Variants in WASF3 observed in about 807,000 individuals in gnomAD.
WASF3 encodes actin-binding protein WASF3.
A neutral mutation model predicts 46.6 loss-of-function variants in WASF3; 11 were observed. That is an observed-to-expected ratio of 0.24 (90% confidence interval 0.15 to 0.39). The LOEUF is 0.39. WASF3 is among the 10% of genes least tolerant of loss of function. WASF3 has a pLI of 1.00. For missense variants in WASF3, 576 were observed against 669.8 expected (o/e 0.86, Z 1.55); for synonymous variants, 242 against 259.7 (o/e 0.93, Z 0.65).
At chr13:26,664,293 C>G (rs1882710747) in intron 3 of WASF3, among the ~76,000 whole-genome samples, 1 of 152,242 alleles carries the variant, frequency 6.6e-6, no homozygotes, top group Non-Finnish European at 1.5e-5. Flanking sequence ...GCCTTGCACA[C>G]TCAGAGTAGG....
chr13:26,642,202 A>G, intron 2 of WASF3, 59 bp from the exon 3 acceptor site: 1 of 1,454,326 alleles, frequency 6.9e-7, no homozygotes, highest in South Asian at 1.6e-5. Context: ...GGGAATTAAA[A>G]TTCCAGATTT....
At chr13:26,684,024 T>G (rs1249711439) in intron 9 of WASF3, among the ~76,000 whole-genome samples, 1 of 152,238 alleles carries the variant, frequency 6.6e-6, no homozygotes, top group African/African-American at 2.4e-5. Flanking sequence ...GGAGCCTGGC[T>G]GCAGCCCGCC....
Position 26,577,481 on chromosome 13 carries a change from A to T in WASF3, c.-109+19662A>T, listed in dbSNP as rs143158522. The T allele has an allele frequency of 5.7e-6, 6 of 1,057,108 alleles. No homozygotes were observed. In the East Asian group the frequency reaches 1.4e-4, roughly 25 times the overall value. The allele number at this position is 1,057,108 out of a possible 1,614,324, so 65.5% of individuals were successfully genotyped here. A position where few individuals can be genotyped will look rare whatever the true frequency, so the allele number is the denominator to read the frequency against. On this transcript the variant is annotated intron_variant, in intron 1 of 9. Transcript: ENST00000335327. ...CAGCATTGGAAAAGACATAGAAAAG[A>T]CTTGCCAATCCATTTATCCTCTCCA...
intron 3 of WASF3, among the ~76,000 whole-genome samples, chr13:26,653,717 C>T (rs1882385700): frequency 6.6e-6 from 1 of 152,204 alleles, no homozygotes; most frequent in Non-Finnish European, 1.5e-5. Context: ...TACTAAGTGA[C>T]CTCATCAGGT....
chr13:26,581,626 A>T (rs1359110396), intron 1 of WASF3, among the ~76,000 whole-genome samples: 3 of 145,586 alleles, frequency 2.1e-5, no homozygotes, highest in South Asian at 2.1e-4. Context: ...GTTCTGCTTT[A>T]AAAAAAAAAG....
At chr13:26,612,616 T>C (rs1233117892) in intron 1 of WASF3, among the ~76,000 whole-genome samples, 2 of 152,236 alleles carry the variant, frequency 1.3e-5, no homozygotes, top group Non-Finnish European at 2.9e-5. Flanking sequence ...TTTGATTCAG[T>C]CTGTAGGCAG....
intron 4 of WASF3, among the ~76,000 whole-genome samples, chr13:26,665,654 G>A (rs1288187753): frequency 6.6e-6 from 1 of 152,164 alleles, no homozygotes; most frequent in African/African-American, 2.4e-5. Flanking sequence ...TTTACCGAAA[G>A]CCTTTAGGCT....
chr13:26,581,341 A>T (rs1490085207), intron 1 of WASF3, among the ~76,000 whole-genome samples: 1 of 152,192 alleles, frequency 6.6e-6, no homozygotes, highest in Non-Finnish European at 1.5e-5. Context: ...ATAGAATTTG[A>T]TTAATCTGAC....
At chr13:26,664,937 T>A in intron 3 of WASF3, 91 bp from the exon 4 acceptor site, 1 of 1,346,776 alleles carries the variant, frequency 7.4e-7, no homozygotes, top group South Asian at 1.3e-5. Context: ...AAATCCCACA[T>A]GTTGACAGGA....
intron 1 of WASF3, among the ~76,000 whole-genome samples, chr13:26,579,133 T>TGGACTACTGG (rs964125397): frequency 2.6e-5 from 4 of 151,156 alleles, no homozygotes; most frequent in African/African-American, 9.7e-5. Flanking sequence ...CTGAGTAGCT[T>TGGACTACTGG]GGACTACTGG....
intron 1 of WASF3, among the ~76,000 whole-genome samples, chr13:26,608,848 T>A (rs760220198): frequency 6.6e-5 from 10 of 152,218 alleles, no homozygotes; most frequent in Admixed American, 4.6e-4. Flanking sequence ...AGTGGTTACA[T>A]TTCTATAGTG....
chr13:26,608,544 T>G (rs562554319), intron 1 of WASF3, among the ~76,000 whole-genome samples: 1 of 152,334 alleles, frequency 6.6e-6, no homozygotes, highest in African/African-American at 2.4e-5. Flanking sequence ...CCAGATAAAC[T>G]TTCTGGGGGG....
At chr13:26,560,797 A>G (rs1251328127) in intron 1 of WASF3, among the ~76,000 whole-genome samples, 1 of 152,230 alleles carries the variant, frequency 6.6e-6, no homozygotes, top group African/African-American at 2.4e-5. Flanking sequence ...TCAGCCCCCG[A>G]TGAGCTTGCT....
chr13:26,554,096 C>CTTTTCTTTCTTTCTTTCT (rs1555245931), upstream of WASF3, among the ~76,000 whole-genome samples: 1 of 7,372 alleles, frequency 1.4e-4, no homozygotes, highest in South Asian at 6.6e-3. Context: ...TCCTTCCTTC[C>CTTTTCTTTCTTTCTTTCT]TTCTTTCTTT....
At chr13:26,596,343 TA>T (rs990248445) in intron 1 of WASF3, among the ~76,000 whole-genome samples, 2 of 151,738 alleles carry the variant, frequency 1.3e-5, no homozygotes, top group Non-Finnish European at 2.9e-5. Flanking sequence ...CTTTTTTTTT[TA>T]AAAAAAGCTA....
At chr13:26,539,781 G>A in the WASF3 span, among the ~76,000 whole-genome samples, 2 of 152,114 alleles carry the variant, frequency 1.3e-5, no homozygotes, top group African/African-American at 2.4e-5. Context: ...GCTTCACATC[G>A]TGGGCCCAGC....
At chr13:26,680,941 T>C (rs1883205984) in intron 7 of WASF3, 113 bp from the exon 8 acceptor site, 1 of 1,337,682 alleles carries the variant, frequency 7.5e-7, no homozygotes, top group Admixed American at 2.2e-5. Context: ...AGCAAATTAA[T>C]GTCTGATTTT....
At position 26,681,266 on chromosome 13, in the gene WASF3, C is replaced by G; in HGVS notation, c.929C>G (p.Pro310Arg). 1 of 1,613,350 alleles carries G rather than the reference C, an allele frequency of 6.2e-7. No individual in the cohort carries two copies. The highest frequency in any genetic ancestry group is 2.2e-5 in the East Asian group (1 of 44,864). Residue 310 changes from proline (P) to arginine (R), a missense_variant, in exon 8 of 10, where the codon CCT becomes CGT. Physicochemically the swap from Pro to Arg is moderately radical, Grantham distance 103. This residue lies in a region of WASF3 where 295 missense variants were observed against 291.5 expected (regional missense o/e 1.01). Transcript: ENST00000335327. ...CAGCAGCCGCCCCCCCCGCCTCCCC[C>G]TCAGGCCCCAGAGGGGTCCCAGGCC... ...RPQQPPPPPP[P>R]QAPEGSQASA...
chr13:26,681,610 G>A (rs940489506), intron 8 of WASF3, among the ~76,000 whole-genome samples: 5 of 152,106 alleles, frequency 3.3e-5, no homozygotes, highest in Non-Finnish European at 5.9e-5. Context: ...AGGGTATTAA[G>A]TGCTGATTTT....
Sources: gnomAD v4.1 joint callset for allele counts (sites outside exome capture counted in the v4.1 genomes callset) on GRCh38, gnomAD v4.1.1 for gene constraint, gnomAD v4.1.1 regional missense constraint, MANE v1.5 for transcripts, NCBI Gene and HGNC (gene_info 2026-07-23, HGNC 2026-07-21) for gene names.